The following CUBN variants were observed in gnomAD, a reference collection of about 807,000 sequenced individuals.
CUBN encodes the protein 460 kDa receptor.
CUBN carries 282 observed loss-of-function variants against 405.3 expected under a neutral mutation model. That is an observed-to-expected ratio of 0.70 (90% CI 0.63 to 0.77). CUBN has a LOEUF of 0.77. CUBN is among the 30% of genes least tolerant of loss of function. The pLI, the probability that CUBN is intolerant of heterozygous loss-of-function variation, is 0.00. For synonymous variants in CUBN, 1,684 were observed against 1,617.0 expected, an observed-to-expected ratio of 1.04 and a Z score of -0.99; for missense variants, 4,514 against 4,475.2, an observed-to-expected ratio of 1.01 and a Z score of -0.25.
chr10:17,077,417 G>T (rs1324172243), intron 17 of CUBN, among the ~76,000 whole-genome samples: 2 of 152,202 alleles, frequency 1.3e-5, no homozygotes, highest in African/African-American at 4.8e-5. Context: ...TGAGCCTAGT[G>T]AGTCGTGAGC....
intron 6 of CUBN, among the ~76,000 whole-genome samples, chr10:17,116,874 G>A (rs562573432): frequency 7.2e-5 from 11 of 152,156 alleles, no homozygotes; most frequent in Middle Eastern, 3.4e-3. Flanking sequence ...ATTCAAGTCG[G>A]GAGGCCAGAC....
chr10:16,884,695 C>G (rs1000856893), intron 56 of CUBN, among the ~76,000 whole-genome samples: 1 of 152,144 alleles, frequency 6.6e-6, no homozygotes, highest in Non-Finnish European at 1.5e-5. Flanking sequence ...GTTCAACAAT[C>G]TGTATTTTTC....
chr10:16,864,782 C>A (rs1430214226), intron 59 of CUBN, among the ~76,000 whole-genome samples: 3 of 150,510 alleles, frequency 2.0e-5, no homozygotes, highest in Non-Finnish European at 4.4e-5. Flanking sequence ...TCCCGAGTAG[C>A]TGGGATTACA....
Position 17,068,212 on chromosome 10 carries a change from G to C in CUBN, c.2860C>G (p.His954Asp), listed in dbSNP as rs766733151. ...QSPGHPNVYP[H>D]GINCTWHILV... Reference sequence around the variant, plus strand: ...ATATGCCAAGTACAGTTGATACCGTGGGGGTAGACATTTGGATGGCCAGGA... The same window carrying C: ...ATATGCCAAGTACAGTTGATACCGTCGGGGTAGACATTTGGATGGCCAGGA... The change falls in exon 21 of 67, where the codon CAC becomes GAC. Residue 954 changes from histidine to aspartate, a missense_variant. This residue lies in a region of CUBN where 1,448 missense variants were observed against 1,388.0 expected (regional missense o/e 1.04). Coordinates refer to ENST00000377833, the MANE Select transcript of CUBN (RefSeq NM_001081.4). The C allele has an allele frequency of 2.5e-6, 4 of 1,613,610 alleles. No individual in the cohort carries two copies. The highest frequency in any genetic ancestry group is 3.3e-5 in the Admixed American group (2 of 59,974).
At chr10:17,087,570 G>C (rs1342377773) in intron 15 of CUBN, among the ~76,000 whole-genome samples, 1 of 140,678 alleles carries the variant, frequency 7.1e-6, no homozygotes, top group Non-Finnish European at 1.5e-5. Flanking sequence ...CCGCCTCCCG[G>C]GTCCAAACGA....
intron 2 of CUBN, among the ~76,000 whole-genome samples, chr10:17,128,749 T>C (rs569915842): frequency 6.6e-6 from 1 of 152,056 alleles, no homozygotes; most frequent in Non-Finnish European, 1.5e-5. Flanking sequence ...CAAGGTACAC[T>C]AGGAAGGGGG....
chr10:17,079,517 G>T (rs945593224), intron 17 of CUBN, among the ~76,000 whole-genome samples: 1 of 152,086 alleles, frequency 6.6e-6, no homozygotes, highest in African/African-American at 2.4e-5. Flanking sequence ...GGAGTTACAG[G>T]CATGAGCCAC....
At chr10:17,076,261 T>C (rs186902070) in intron 17 of CUBN, among the ~76,000 whole-genome samples, 2 of 152,274 alleles carry the variant, frequency 1.3e-5, no homozygotes, top group Non-Finnish European at 2.9e-5. Context: ...AAGGTGCAAT[T>C]GATTTTGGCT....
chr10:16,969,780 C>A (rs1038778578), intron 31 of CUBN, among the ~76,000 whole-genome samples: 2 of 152,102 alleles, frequency 1.3e-5, no homozygotes, highest in Admixed American at 1.3e-4. Flanking sequence ...CCTATAGGGA[C>A]TAGGCCTACT....
intron 3 of CUBN, 117 bp downstream of exon 3, chr10:17,127,711 GT>G: frequency 1.4e-6 from 1 of 692,164 alleles, no homozygotes; most frequent in Non-Finnish European, 2.5e-6. Context: ...ACAGTGAGTA[GT>G]TACATGCTAA....
Position 17,100,092 on chromosome 10 carries a change from T to C in CUBN, c.1678A>G (p.Ser560Gly), listed in dbSNP as rs769364237. The C allele has an allele frequency of 6.2e-7, 1 of 1,614,048 alleles. No homozygotes were observed. Among genetic ancestry groups the C allele is most frequent in the Non-Finnish European group, 8.5e-7 (1 of 1,179,930 alleles). Residue 560 changes from serine to glycine, a missense_variant, in exon 14 of 67, where the codon AGT becomes GGT. By Grantham distance (56) the Ser-to-Gly change is moderately conservative. This residue lies in a region of CUBN where 1,448 missense variants were observed against 1,388.0 expected (regional missense o/e 1.04). Coordinates refer to ENST00000377833, the MANE Select transcript of CUBN (RefSeq NM_001081.4). ...AGATGAAAATAGAGAGCATTGTCAC[T>C]GCTGAGGAGTTCATGAGGGAGGCTG... ...GSSLPHELLSSDNALYFHLYS... is the reference protein window; with the variant it reads ...GSSLPHELLSGDNALYFHLYS...
At chr10:16,963,747 T>A (rs1297441568) in intron 31 of CUBN, among the ~76,000 whole-genome samples, 1 of 152,178 alleles carries the variant, frequency 6.6e-6, no homozygotes, top group African/African-American at 2.4e-5. Context: ...TCTGTATGCA[T>A]TACAATGCAG....
intron 28 of CUBN, among the ~76,000 whole-genome samples, chr10:17,010,848 T>C (rs1834160283): frequency 6.6e-6 from 1 of 152,164 alleles, no homozygotes; most frequent in African/African-American, 2.4e-5. Context: ...CAGAGCCCAG[T>C]TTATAATCTC....
chr10:17,086,664 A>G (rs1836117420), intron 15 of CUBN, among the ~76,000 whole-genome samples: 1 of 152,210 alleles, frequency 6.6e-6, no homozygotes. Context: ...TGCAAATTCT[A>G]TACTATATAA....
At chr10:17,128,786 T>C (rs1198113089) in intron 2 of CUBN, among the ~76,000 whole-genome samples, 2 of 152,202 alleles carry the variant, frequency 1.3e-5, no homozygotes, top group Non-Finnish European at 2.9e-5. Context: ...GGTTGATTAA[T>C]GAATACAATA....
rs775160815 is a variant in CUBN, at chr10:17,000,916, G to C, written c.4169-10401C>G. Among the ~76,000 whole-genome samples, 7 of 152,278 alleles carry C rather than the reference G, an allele frequency of 4.6e-5. No individual in the cohort carries two copies. The East Asian group carries it at 1.4e-3, about 29-fold the overall frequency. On this transcript the variant is annotated intron_variant, in intron 28 of 66. Coordinates refer to ENST00000377833, the MANE Select transcript of CUBN (RefSeq NM_001081.4). ...TTTCTTCCGGTGGGTTCTTGGTCTC[G>C]CTGACTTCAAGAATGAAGCCACGGA...
At chr10:16,911,609 T>C (rs1841737147) in intron 48 of CUBN, among the ~76,000 whole-genome samples, 1 of 152,240 alleles carries the variant, frequency 6.6e-6, no homozygotes, top group Non-Finnish European at 1.5e-5. Context: ...CTGTAACTTT[T>C]ATTTGAGATC....
intron 25 of CUBN, 142 bp downstream of exon 25, chr10:17,044,865 T>C (rs1835089686): frequency 1.1e-6 from 1 of 872,922 alleles, no homozygotes; most frequent in South Asian, 1.5e-5. Context: ...AAATTTCTTT[T>C]ATGTTTTTAT....
intron 14 of CUBN, among the ~76,000 whole-genome samples, 190 bp from the exon 15 acceptor site, chr10:17,088,535 A>T (rs2131869868): frequency 6.6e-6 from 1 of 152,372 alleles, no homozygotes. Flanking sequence ...GTATCAATTG[A>T]TAAACAAATG....
Sources: gnomAD v4.1 joint callset for allele counts (sites outside exome capture counted in the v4.1 genomes callset) on GRCh38, gnomAD v4.1.1 for gene constraint, gnomAD v4.1.1 regional missense constraint, MANE v1.5 for transcripts, NCBI Gene and HGNC (gene_info 2026-07-23, HGNC 2026-07-21) for gene names.